Variants in KTN1 observed in about 807,000 individuals in gnomAD.
KTN1 encodes the protein kinectin 1.
Under a neutral mutation model 222.5 loss-of-function variants are expected in KTN1, and 130 were observed. That is an observed-to-expected ratio of 0.58 (90% CI 0.51 to 0.68). The LOEUF (loss-of-function observed/expected upper bound fraction) is 0.68, where lower values mean the gene tolerates loss of function less well. Among genes scored for constraint, KTN1 ranks in the 30% least tolerant of loss-of-function variants. KTN1 has a pLI of 0.00. For missense variants in KTN1, 1,508 were observed against 1,500.4 expected (o/e 1.01, Z -0.08); for synonymous variants, 512 against 496.3 (o/e 1.03, Z -0.42).
chr14:55,648,765 A>T (rs1267712632), intron 20 of KTN1, 37 bp from the exon 21 acceptor site: 1 of 1,336,444 alleles, frequency 7.5e-7, no homozygotes, highest in Non-Finnish European at 1.1e-6. Flanking sequence ...TTTTTCAGAG[A>T]GTAAAATCAT....
chr14:55,640,062 T>C, intron 14 of KTN1, 59 bp downstream of exon 14: 1 of 978,792 alleles, frequency 1.0e-6, no homozygotes, highest in Non-Finnish European at 1.6e-6. Context: ...TAAATTACTT[T>C]GATGCACATA....
At chr14:55,593,446 C>CCCCCCCAA (rs1555357160) in intron 1 of KTN1, among the ~76,000 whole-genome samples, 6 of 120,582 alleles carry the variant, frequency 5.0e-5, no homozygotes, top group African/African-American at 1.6e-4. Context: ...ACCCCCCCCC[C>CCCCCCCAA]AAAAAAAAAA....
At chr14:55,638,549 CCCAAAGCTTTGA>C (rs1216210430) in intron 12 of KTN1, among the ~76,000 whole-genome samples, 1 of 151,472 alleles carries the variant, frequency 6.6e-6, no homozygotes, top group Non-Finnish European at 1.5e-5. Flanking sequence ...AGTTCAGACT[CCCAAAGCTTTGA>C]CCATATAAAT....
chr14:55,659,303 TTC>T (rs755087870), intron 30 of KTN1, among the ~76,000 whole-genome samples: 4 of 151,200 alleles, frequency 2.6e-5, no homozygotes, highest in South Asian at 2.1e-4. Flanking sequence ...TGCTTTTGAT[TTC>T]TGTTTTTTTT....
chr14:55,589,412 C>G (rs1363181449), intron 1 of KTN1, among the ~76,000 whole-genome samples: 1 of 151,788 alleles, frequency 6.6e-6, no homozygotes, highest in Non-Finnish European at 1.5e-5. Flanking sequence ...GCCTCCTGGG[C>G]TCAAGCGATT....
At chr14:55,591,659 G>A (rs2034170741) in intron 1 of KTN1, among the ~76,000 whole-genome samples, 1 of 131,790 alleles carries the variant, frequency 7.6e-6, no homozygotes, top group Admixed American at 9.3e-5. Flanking sequence ...TGCGATCTCT[G>A]CTCACTGCAA....
Position 55,617,864 on chromosome 14 carries a change from T to C in KTN1, c.662-100T>C, listed in dbSNP as rs2038608630. 5.7e-6 allele frequency: 5 copies of C among 877,418 alleles called. No homozygotes were observed. In the Admixed American group the frequency reaches 1.3e-4, roughly 23 times the overall value. The allele number at this position is 877,418 out of a possible 1,614,324, so 54.4% of individuals were successfully genotyped here. On this transcript the variant is annotated intron_variant, in intron 3 of 43. Coordinates refer to ENST00000395314, the MANE Select transcript of KTN1 (RefSeq NM_001079521.2). ...AAAACCAATTTGAGCTACCAGTAAATGTTTCAAAAGAACTGCATTTATCAT... is the reference window on the plus strand; with the variant it reads ...AAAACCAATTTGAGCTACCAGTAAACGTTTCAAAAGAACTGCATTTATCAT...
intron 5 of KTN1, among the ~76,000 whole-genome samples, chr14:55,624,521 A>G (rs28549152): frequency 0.076 from 11,633 of 152,274 alleles, 496 homozygotes; most frequent in South Asian, 0.11. Flanking sequence ...ATTTAAGTGG[A>G]TATAGTCATT....
intron 5 of KTN1, among the ~76,000 whole-genome samples, chr14:55,624,784 TGA>T (rs1017162697): frequency 1.3e-5 from 2 of 152,070 alleles, no homozygotes; most frequent in African/African-American, 4.8e-5. Flanking sequence ...ACAGAAACTT[TGA>T]GTTTGGGAAG....
intron 9 of KTN1, 56 bp downstream of exon 9, chr14:55,634,714 CGTTTTCATACT>C: frequency 6.8e-7 from 1 of 1,466,978 alleles, no homozygotes; most frequent in Non-Finnish European, 9.2e-7. Context: ...CGTATTAGTT[CGTTTTCATACT>C]GGTATGAAGA....
At chr14:55,598,652 A>G (rs2035473017) in intron 1 of KTN1, among the ~76,000 whole-genome samples, 1 of 152,168 alleles carries the variant, frequency 6.6e-6, no homozygotes. Flanking sequence ...AGTGTTCAGC[A>G]GGGTCTAGAA....
chr14:55,580,844 A>G (rs1262189761), intron 1 of KTN1, among the ~76,000 whole-genome samples: 1 of 151,940 alleles, frequency 6.6e-6, no homozygotes, highest in African/African-American at 2.4e-5. Context: ...GGCCACACTT[A>G]CGCCATGCTG....
intron 11 of KTN1, 95 bp from the exon 12 acceptor site, chr14:55,637,684 A>C: frequency 1.2e-6 from 1 of 865,120 alleles, no homozygotes; most frequent in Non-Finnish European, 1.8e-6. Context: ...AAAAAAAGAA[A>C]AAGATAAACA....
intron 3 of KTN1, 87 bp from the exon 4 acceptor site, chr14:55,617,877 C>T (rs2038611280): frequency 2.0e-6 from 2 of 984,578 alleles, no homozygotes; most frequent in South Asian, 3.9e-5. Context: ...TTCAAAAGAA[C>T]TGCATTTATC....
chr14:55,664,794 G>A (rs935805445), intron 33 of KTN1, among the ~76,000 whole-genome samples: 13 of 152,088 alleles, frequency 8.5e-5, no homozygotes, highest in African/African-American at 3.1e-4. Flanking sequence ...TGCCAGTCCA[G>A]TTAAGTATTT....
chr14:55,666,779 T>TA, intron 33 of KTN1, among the ~76,000 whole-genome samples: 1 of 152,106 alleles, frequency 6.6e-6, no homozygotes, highest in African/African-American at 2.4e-5. Context: ...ATAAGAGAGT[T>TA]ACCATTTTAA....
At chr14:55,671,118 G>T (rs903205002) in intron 35 of KTN1, among the ~76,000 whole-genome samples, 1 of 152,098 alleles carries the variant, frequency 6.6e-6, no homozygotes, top group African/African-American at 2.4e-5. Context: ...GTCGAGATAG[G>T]TAGAATCTCA....
chr14:55,630,229 G>A (rs1188270987), intron 7 of KTN1, 132 bp downstream of exon 7: 9 of 774,306 alleles, frequency 1.2e-5, no homozygotes, highest in South Asian at 3.4e-5. Context: ...TTCACTCTGC[G>A]TCCTAAGTAA....
At chr14:55,634,808 C>G (rs1594984389) in intron 9 of KTN1, 150 bp downstream of exon 9, 6 of 581,458 alleles carry the variant, frequency 1.0e-5, no homozygotes, top group East Asian at 9.4e-5. Flanking sequence ...CTGGGGAGGC[C>G]TCAGGAAACT....
Sources: allele counts gnomAD v4.1 joint callset (sites outside exome capture counted in the v4.1 genomes callset), GRCh38; gene constraint gnomAD v4.1.1; transcripts MANE v1.5; gene names NCBI Gene and HGNC (gene_info 2026-07-23, HGNC 2026-07-21).